The following CAPN2 variants were observed in gnomAD, a reference collection of about 807,000 sequenced individuals.
CAPN2 encodes calpain 2, also known as calpain-2 catalytic subunit.
In CAPN2, 92 loss-of-function variants were observed where a neutral mutation model predicts 102.3. The ratio of observed to expected loss-of-function variants is 0.90; its 90% CI spans 0.76 to 1.07. The LOEUF (loss-of-function observed/expected upper bound fraction) is 1.07. Among genes scored for constraint, CAPN2 ranks in the 50% least tolerant of loss-of-function variants. The probability of loss-of-function intolerance (pLI) is 0.00; values close to 1 mark genes in which losing one functional copy is unlikely to be tolerated. For missense variants in CAPN2, 800 were observed against 909.4 expected, an observed-to-expected ratio of 0.88 and a Z score of 1.55; for synonymous variants, 340 against 355.4, an observed-to-expected ratio of 0.96 and a Z score of 0.49.
intron 2 of CAPN2, among the ~76,000 whole-genome samples, chr1:223,740,143 G>C (rs1660576524): frequency 6.6e-6 from 1 of 152,214 alleles, no homozygotes; most frequent in Non-Finnish European, 1.5e-5. Context: ...TGTAGAACAG[G>C]CTTCTTGTTG....
At chr1:223,720,880 C>A (rs541456408) in intron 2 of CAPN2, among the ~76,000 whole-genome samples, 1 of 152,162 alleles carries the variant, frequency 6.6e-6, no homozygotes, top group Admixed American at 6.5e-5. Flanking sequence ...CTAACCCATG[C>A]TCCCTCCAAT....
chr1:223,737,721 G>GGTGGTA (rs146144248), intron 2 of CAPN2, among the ~76,000 whole-genome samples: 1 of 70,220 alleles, frequency 1.4e-5, no homozygotes, highest in Non-Finnish European at 2.8e-5. Flanking sequence ...GGGTGGGGGG[G>GGTGGTA]AGAGAATACA....
rs773338493 is a variant in CAPN2 at position 223,772,227 on chromosome 1, C to A, written c.2067C>A (p.Leu689=). The A allele has an allele frequency of 3.7e-6, 6 of 1,613,906 alleles. No homozygotes were observed. Among genetic ancestry groups the A allele is most frequent in the Non-Finnish European group, 5.1e-6 (6 of 1,179,950 alleles). ...LDPENTGTIE[L]DLISWLCFSV... ...CCGAGAATACTGGAACAATAGAGCT[C>A]GACCTTATCTCTGTGAGTCAGCAGG... The change falls in exon 20 of 21, where the codon CTC becomes CTA. Residue 689 remains leucine, a synonymous_variant. Coordinates refer to ENST00000295006, the MANE Select transcript of CAPN2 (RefSeq NM_001748.5).
chr1:223,766,944 A>G lies in CAPN2; in HGVS notation c.1755+513A>G, dbSNP rs1345252980. Among the ~76,000 whole-genome samples the G allele has an allele frequency of 2.0e-5, 3 of 151,124 alleles. No homozygotes were observed. The East Asian group carries it at 5.8e-4, about 29-fold the overall frequency. ...CACTGCACTCCAGCCTGGGTGACAG[A>G]GCGTGACTCATCGCCAAAAAAAAAA... On this transcript the variant is annotated intron_variant, in intron 16 of 20. Transcript: ENST00000295006.
At chr1:223,743,464 TCTCA>T (rs569017994) in intron 2 of CAPN2, among the ~76,000 whole-genome samples, 71 of 152,290 alleles carry the variant, frequency 4.7e-4, no homozygotes, top group African/African-American at 1.7e-3. Flanking sequence ...GTTTTCTTTC[TCTCA>T]CTCAAACTCC....
At position 223,727,590 on chromosome 1, in the gene CAPN2, G is replaced by A. The variant is rs1660232023; in HGVS notation, c.307+9759G>A. 2.0e-5 allele frequency among the ~76,000 whole-genome samples: 3 copies of A among 152,306 alleles called. No homozygotes were observed. The South Asian group carries it at 6.2e-4, about 32-fold the overall frequency. The stretch of plus-strand genomic sequence containing the variant: ...AAGGGAGTGGCCGGATGGGAGGTAG[G>A]AATAGCAGTGGTAATCAGTAGGTGA... On this transcript the variant is annotated intron_variant, in intron 2 of 20. Transcript: ENST00000295006. The surrounding 1 kb of genome is among the most constrained non-coding windows in gnomAD (Gnocchi z 4.1).
At chr1:223,774,613 A>G (rs1024868160) in intron 20 of CAPN2, among the ~76,000 whole-genome samples, 16 of 152,202 alleles carry the variant, frequency 1.1e-4, no homozygotes, top group African/African-American at 3.9e-4. Context: ...TCAACCCTGT[A>G]ATATGATTCA....
chr1:223,712,809 G>A lies in CAPN2; in HGVS notation c.169G>A (p.Ala57Thr), dbSNP rs146572729. The change falls in exon 1 of 21, where the codon GCC becomes ACC. Residue 57 changes from alanine to threonine, a missense_variant. Physicochemically the swap from Ala to Thr is moderately conservative, Grantham distance 58. Coordinates refer to ENST00000295006, the MANE Select transcript of CAPN2 (RefSeq NM_001748.5). Reference sequence around the variant, plus strand: ...CCCGTCCTTCCCGGCCATCCCCTCGGCCCTGGGCTTCAAGGAGTTGGGGCC... The same window carrying A: ...CCCGTCCTTCCCGGCCATCCCCTCGACCCTGGGCTTCAAGGAGTTGGGGCC... The part of the protein sequence containing the change: ...QDPSFPAIPS[A>T]LGFKELGPYS... The A allele has an allele frequency of 3.8e-6, 6 of 1,576,698 alleles. No individual in the cohort carries two copies. In the South Asian group the frequency reaches 4.7e-5, roughly 12 times the overall value.
intron 2 of CAPN2, among the ~76,000 whole-genome samples, chr1:223,743,717 G>A (rs1303994272): frequency 6.6e-6 from 1 of 152,168 alleles, no homozygotes; most frequent in African/African-American, 2.4e-5. Flanking sequence ...CAGCTGCGCT[G>A]GTTTCATTCT....
At chr1:223,772,320 T>C in intron 20 of CAPN2, 81 bp downstream of exon 20, 1 of 1,256,388 alleles carries the variant, frequency 8.0e-7, no homozygotes, top group Non-Finnish European at 1.2e-6. Flanking sequence ...AGTGATCTGC[T>C]TTTTCAAGTT....
At chr1:223,764,315 A>C in intron 15 of CAPN2, 108 bp downstream of exon 15, 1 of 870,110 alleles carries the variant, frequency 1.1e-6, no homozygotes, top group South Asian at 1.4e-5. Flanking sequence ...CTAAACCACC[A>C]CCCTCCATCC....
At chr1:223,752,767 C>A (rs751100772) in intron 8 of CAPN2, 29 bp from the exon 9 acceptor site, 15 of 1,612,184 alleles carry the variant, frequency 9.3e-6, no homozygotes, top group Non-Finnish European at 1.3e-5. Flanking sequence ...CTTCTTATCA[C>A]CTGTGATGAT....
intron 15 of CAPN2, among the ~76,000 whole-genome samples, chr1:223,764,485 A>G (rs1162715334): frequency 6.6e-6 from 1 of 152,018 alleles, no homozygotes; most frequent in African/African-American, 2.4e-5. Context: ...ACAGAGTCTC[A>G]CTCTGTCGCC....
intron 2 of CAPN2, among the ~76,000 whole-genome samples, chr1:223,735,255 C>T (rs1558065534): frequency 6.6e-6 from 1 of 152,202 alleles, no homozygotes; most frequent in Non-Finnish European, 1.5e-5. Context: ...TGGCTGGGCG[C>T]AGTGGCTCAT....
In CAPN2 at chr1:223,727,745, T is replaced by A. The variant is rs1447234306; in HGVS notation, c.307+9914T>A. On this transcript the variant is annotated intron_variant, in intron 2 of 20. Transcript: ENST00000295006. The surrounding 1 kb of genome is among the most constrained non-coding windows in gnomAD (Gnocchi z 4.1). ...GGTCAGGGCAGCATTGCTGGGATAT[T>A]TGAGCCTGTGGGAGGGGAGCTTCAA... is the stretch of plus-strand genomic sequence containing the variant. 6.6e-6 allele frequency among the ~76,000 whole-genome samples: 1 copy of A among 152,166 alleles called. No individual in the cohort carries two copies. Among genetic ancestry groups the A allele is most frequent in the African/African-American group, 2.4e-5 (1 of 41,412 alleles).
intron 2 of CAPN2, among the ~76,000 whole-genome samples, chr1:223,728,023 G>T (rs927815085): frequency 6.6e-6 from 1 of 152,084 alleles, no homozygotes; most frequent in Non-Finnish European, 1.5e-5. Context: ...GCACCCCCAG[G>T]TGGGAGACTC....
intron 16 of CAPN2, among the ~76,000 whole-genome samples, chr1:223,768,700 G>A (rs1279057628): frequency 1.3e-5 from 2 of 150,110 alleles, no homozygotes; most frequent in Admixed American, 6.6e-5. Context: ...GAACTTTAAA[G>A]TAGTTTTTTC....
intron 2 of CAPN2, among the ~76,000 whole-genome samples, chr1:223,741,770 C>G (rs1274220540): frequency 6.6e-6 from 1 of 151,254 alleles, no homozygotes; most frequent in African/African-American, 2.4e-5. Flanking sequence ...TTATCTTTTT[C>G]TTTTCTTTTC....
In CAPN2 at chr1:223,750,787, C is replaced by T. The variant is rs575202082; in HGVS notation, c.814-103C>T. ...CCCAAATCCTCCCCACCGTCCTCAG[C>T]CCCATACCTCCTGGCTCATGCGGAA... On this transcript the variant is annotated intron_variant, in intron 6 of 20. Coordinates refer to ENST00000295006, the MANE Select transcript of CAPN2 (RefSeq NM_001748.5). The T allele has an allele frequency of 5.2e-4, 553 of 1,054,768 alleles. 2 individuals carry two copies. The African/African-American group carries it at 7.7e-3, about 15-fold the overall frequency. 65.3% of individuals were successfully genotyped at this position (1,054,768 alleles called of 1,614,324 possible).
Sources: allele counts gnomAD v4.1 joint callset (sites outside exome capture counted in the v4.1 genomes callset), GRCh38; gene constraint gnomAD v4.1.1; non-coding constraint Gnocchi (gnomAD v3.1); transcripts MANE v1.5; gene names NCBI Gene and HGNC (gene_info 2026-07-23, HGNC 2026-07-21).